Variants in VDAC1 observed in about 807,000 individuals in gnomAD.
The protein encoded by VDAC1 is voltage dependent anion channel 1, also known as non-selective voltage-gated ion channel VDAC1.
Under a neutral mutation model 34.7 loss-of-function variants are expected in VDAC1, and 10 were observed. The ratio of observed to expected loss-of-function variants is 0.29; its 90% CI spans 0.18 to 0.49. The LOEUF (loss-of-function observed/expected upper bound fraction) is 0.49. VDAC1 is among the 20% of genes least tolerant of loss of function. The pLI, the probability that VDAC1 is intolerant of heterozygous loss-of-function variation, is 0.99. For synonymous variants in VDAC1, 130 were observed against 136.0 expected, an observed-to-expected ratio of 0.96 and a Z score of 0.30; for missense variants, 230 against 347.9, an observed-to-expected ratio of 0.66 and a Z score of 2.69.
chr5:134,026,741 C>A, the VDAC1 span, among the ~76,000 whole-genome samples: 1 of 152,100 alleles, frequency 6.6e-6, no homozygotes, highest in Non-Finnish European at 1.5e-5. Flanking sequence ...TGGGTGCACT[C>A]CCACCTACTC....
chr5:134,039,151 T>C, the VDAC1 span, among the ~76,000 whole-genome samples: 1 of 152,042 alleles, frequency 6.6e-6, no homozygotes, highest in African/African-American at 2.4e-5. Flanking sequence ...ACCTCAATCG[T>C]CCTCCCTTGC....
chr5:134,014,460 A>G, the VDAC1 span, among the ~76,000 whole-genome samples: 113 of 152,344 alleles, frequency 7.4e-4, no homozygotes, highest in African/African-American at 2.1e-3. Flanking sequence ...GGCTGCAGAG[A>G]AAAGAGGATG....
At chr5:134,086,906 C>T in the VDAC1 span, among the ~76,000 whole-genome samples, 9 of 152,202 alleles carry the variant, frequency 5.9e-5, no homozygotes, top group East Asian at 3.9e-4. Flanking sequence ...TATCATGGAG[C>T]GTTATCTGCA....
At chr5:134,075,865 G>A in the VDAC1 span, among the ~76,000 whole-genome samples, 49 of 151,764 alleles carry the variant, frequency 3.2e-4, no homozygotes, top group East Asian at 1.2e-3. Flanking sequence ...GATTACACGC[G>A]TGAGCCACCG....
chr5:134,041,654 C>T, the VDAC1 span, among the ~76,000 whole-genome samples: 20 of 152,190 alleles, frequency 1.3e-4, no homozygotes, highest in East Asian at 1.5e-3. Flanking sequence ...CTCAGAGAAA[C>T]GCAGGCCTTG....
chr5:134,027,151 G>C, the VDAC1 span, among the ~76,000 whole-genome samples: 2 of 152,286 alleles, frequency 1.3e-5, no homozygotes, highest in African/African-American at 4.8e-5. Flanking sequence ...GTCTAGCCCA[G>C]GATATCAACA....
the VDAC1 span, among the ~76,000 whole-genome samples, chr5:134,065,221 T>C: frequency 7.2e-5 from 11 of 152,232 alleles, no homozygotes; most frequent in Admixed American, 2.0e-4. Context: ...TTAATGATCT[T>C]CACTTCCAAA....
the VDAC1 span, among the ~76,000 whole-genome samples, chr5:134,088,347 C>T: frequency 6.6e-6 from 1 of 152,230 alleles, no homozygotes; most frequent in African/African-American, 2.4e-5. Flanking sequence ...CCCCCAAGGC[C>T]TACTGAGCTT....
the VDAC1 span, among the ~76,000 whole-genome samples, chr5:134,057,138 C>G: frequency 6.6e-6 from 1 of 152,054 alleles, no homozygotes; most frequent in African/African-American, 2.4e-5. Flanking sequence ...AGTTCGAGAC[C>G]AGCCTGACCA....
the VDAC1 span, among the ~76,000 whole-genome samples, chr5:134,066,085 G>A: frequency 1.3e-5 from 2 of 151,902 alleles, no homozygotes; most frequent in South Asian, 2.1e-4. Flanking sequence ...GAGCCACCGC[G>A]CCTGGTCGAT....
the VDAC1 span, among the ~76,000 whole-genome samples, chr5:134,091,690 G>C: frequency 6.6e-6 from 1 of 152,198 alleles, no homozygotes; most frequent in African/African-American, 2.4e-5. Context: ...AGTGATAAAA[G>C]GATCATCTAT....
chr5:134,075,421 T>C, the VDAC1 span, among the ~76,000 whole-genome samples: 1 of 152,198 alleles, frequency 6.6e-6, no homozygotes, highest in East Asian at 1.9e-4. Flanking sequence ...CTACTCACAC[T>C]ACTATTCAGA....
At chr5:134,039,547 T>C in the VDAC1 span, among the ~76,000 whole-genome samples, 1 of 152,134 alleles carries the variant, frequency 6.6e-6, no homozygotes, top group Non-Finnish European at 1.5e-5. Context: ...GCCAGGATGG[T>C]CTCGATCTGC....
rs70976506 is a variant in VDAC1, at chr5:133,984,419, C to CGTGTGTGT, written c.324-3471_324-3464dup. Among the ~76,000 whole-genome samples, 192 of 122,032 alleles carry CGTGTGTGT rather than the reference C, an allele frequency of 1.6e-3. 2 individuals carry two copies. Among genetic ancestry groups the CGTGTGTGT allele is most frequent in the African/African-American group, 4.4e-3 (137 of 31,230 alleles). The allele number at this position is 122,032 out of a possible 152,430, so 80.1% of individuals were successfully genotyped here. On this transcript the variant is annotated intron_variant, in intron 5 of 8. Coordinates refer to ENST00000265333, the MANE Select transcript of VDAC1 (RefSeq NM_003374.3). Reference sequence around the variant, plus strand: ...TATAGGCGCTCACCACAATGACCAGCGTGTGTGTGTGTGTGTGTGTGTGTG... The same window carrying CGTGTGTGT: ...TATAGGCGCTCACCACAATGACCAGCGTGTGTGTGTGTGTGTGTGTGTGTGTGTGTGTG...
chr5:134,078,196 C>T, the VDAC1 span, among the ~76,000 whole-genome samples: 1 of 152,192 alleles, frequency 6.6e-6, no homozygotes, highest in Non-Finnish European at 1.5e-5. Flanking sequence ...CCAAATTGGA[C>T]CCCTGCCCTC....
the VDAC1 span, among the ~76,000 whole-genome samples, chr5:134,097,883 T>G: frequency 1.3e-5 from 2 of 152,074 alleles, no homozygotes; most frequent in South Asian, 4.1e-4. Context: ...CTTTCTTTTT[T>G]TTTTGAGATA....
intron 6 of VDAC1, among the ~76,000 whole-genome samples, chr5:133,979,769 C>T (rs1481787449): frequency 6.6e-6 from 1 of 152,170 alleles, no homozygotes; most frequent in East Asian, 1.9e-4. Context: ...CGAATTTTAA[C>T]ACACGTACAC....
chr5:134,104,279 A>G, the VDAC1 span, among the ~76,000 whole-genome samples: 3 of 152,142 alleles, frequency 2.0e-5, no homozygotes, highest in Non-Finnish European at 4.4e-5. Context: ...CCAGGCCACT[A>G]CAAGCCCCAA....
At chr5:133,976,908 G>A (rs774571048) in intron 6 of VDAC1, among the ~76,000 whole-genome samples, 26 of 152,164 alleles carry the variant, frequency 1.7e-4, no homozygotes, top group Non-Finnish European at 3.7e-4. Flanking sequence ...GCTGGGCATG[G>A]TGGCAGGTGC....
Sources: gnomAD v4.1 joint callset for allele counts (sites outside exome capture counted in the v4.1 genomes callset) on GRCh38, gnomAD v4.1.1 for gene constraint, MANE v1.5 for transcripts, NCBI Gene and HGNC (gene_info 2026-07-23, HGNC 2026-07-21) for gene names.